GRIN2A: variants seen among roughly 807,000 people sequenced by gnomAD.
GRIN2A encodes the protein glutamate ionotropic receptor NMDA type subunit 2A.
Under a neutral mutation model 113.4 loss-of-function variants are expected in GRIN2A, and 22 were observed. That is an observed-to-expected ratio of 0.19 (90% CI 0.14 to 0.28). The LOEUF is 0.28. GRIN2A is among the 10% of genes least tolerant of loss of function. The pLI, the probability that GRIN2A is intolerant of heterozygous loss-of-function variation, is 1.00. For synonymous variants in GRIN2A, 827 were observed against 738.4 expected (o/e 1.12, Z -1.94); for missense variants, 1,502 against 1,887.0 (o/e 0.80, Z 3.78).
chr16:10,131,539 C>G (rs894863584), intron 2 of GRIN2A, among the ~76,000 whole-genome samples: 1 of 151,664 alleles, frequency 6.6e-6, no homozygotes, highest in African/African-American at 2.4e-5. Context: ...CCTCTGCTCT[C>G]GGAGTTTCCA....
chr16:10,016,707 A>C (rs2046617402), intron 2 of GRIN2A, among the ~76,000 whole-genome samples: 1 of 152,192 alleles, frequency 6.6e-6, no homozygotes, highest in African/African-American at 2.4e-5. Flanking sequence ...TTATTCATGC[A>C]CTGCTTCTCC....
intron 2 of GRIN2A, among the ~76,000 whole-genome samples, chr16:10,016,176 G>A (rs2046607199): frequency 6.7e-6 from 1 of 150,338 alleles, no homozygotes; most frequent in East Asian, 1.9e-4. Context: ...GAAACCCAGG[G>A]TAATGTAAGA....
At chr16:9,885,274 T>C (rs2043566143) in intron 4 of GRIN2A, among the ~76,000 whole-genome samples, 1 of 152,112 alleles carries the variant, frequency 6.6e-6, no homozygotes, top group African/African-American at 2.4e-5. Context: ...CCCTTACACC[T>C]AGGAATTTGA....
chr16:10,019,355 A>G (rs2046673344), intron 2 of GRIN2A, among the ~76,000 whole-genome samples: 1 of 152,358 alleles, frequency 6.6e-6, no homozygotes, highest in South Asian at 2.1e-4. Context: ...GAATTAGATT[A>G]TGCATGGAAA....
chr16:10,177,275 C>CT (rs1428007177), intron 2 of GRIN2A, among the ~76,000 whole-genome samples: 2 of 152,178 alleles, frequency 1.3e-5, no homozygotes, highest in Non-Finnish European at 2.9e-5. Flanking sequence ...AAAATACGAC[C>CT]TTTTAAACCA....
intron 2 of GRIN2A, among the ~76,000 whole-genome samples, chr16:10,019,490 A>C (rs2046675861): frequency 6.6e-6 from 1 of 152,238 alleles, no homozygotes; most frequent in Admixed American, 6.5e-5. Context: ...TGTATTTCTA[A>C]GCAGAAATTT....
At chr16:10,156,114 A>G (rs1103651) in intron 2 of GRIN2A, among the ~76,000 whole-genome samples, 3 of 151,914 alleles carry the variant, frequency 2.0e-5, no homozygotes, top group Non-Finnish European at 2.9e-5. Flanking sequence ...CCATCTGCCC[A>G]CTCTGCACCT....
At chr16:9,844,147 G>C (rs1351537126) in intron 5 of GRIN2A, among the ~76,000 whole-genome samples, 1 of 152,050 alleles carries the variant, frequency 6.6e-6, no homozygotes, top group Non-Finnish European at 1.5e-5. Flanking sequence ...GAAGTTTTAG[G>C]TGCCCCAGGT....
chr16:9,831,000 A>C (rs1475232186), intron 8 of GRIN2A, among the ~76,000 whole-genome samples: 1 of 152,178 alleles, frequency 6.6e-6, no homozygotes, highest in Non-Finnish European at 1.5e-5. Flanking sequence ...GATCGGTCCA[A>C]GACTTCTAGG....
intron 7 of GRIN2A, among the ~76,000 whole-genome samples, chr16:9,835,902 TA>T (rs1789278261): frequency 6.6e-6 from 1 of 152,200 alleles, no homozygotes; most frequent in African/African-American, 2.4e-5. Flanking sequence ...ATGCATTTGA[TA>T]GTGCAAATAT....
intron 2 of GRIN2A, among the ~76,000 whole-genome samples, chr16:10,052,209 A>G (rs1431919280): frequency 6.6e-6 from 1 of 152,276 alleles, no homozygotes; most frequent in African/African-American, 2.4e-5. Flanking sequence ...TATTCTCATG[A>G]TAATTCAAGC....
chr16:10,174,341 G>C (rs1205330608), intron 2 of GRIN2A, among the ~76,000 whole-genome samples: 1 of 152,186 alleles, frequency 6.6e-6, no homozygotes, highest in Non-Finnish European at 1.5e-5. Context: ...GTACAAACCT[G>C]AGCTGCTGAC....
Position 9,775,406 on chromosome 16 carries a change from T to C in GRIN2A, c.2357-6317A>G, listed in dbSNP as rs116006229. ...TCATTCACTCATTGAAAAGAGAAAA[T>C]TTGTAAAGCACTTAACATGTGGCAA... On this transcript the variant is annotated intron_variant, in intron 11 of 12. Transcript: ENST00000330684. 2.9e-3 allele frequency among the ~76,000 whole-genome samples: 449 copies of C among 152,252 alleles called. 3 individuals are homozygous for C. Among genetic ancestry groups the C allele is most frequent in the African/African-American group, 0.01 (417 of 41,548 alleles).
At chr16:10,124,800 T>C (rs556269400) in intron 2 of GRIN2A, among the ~76,000 whole-genome samples, 7 of 152,270 alleles carry the variant, frequency 4.6e-5, no homozygotes, top group African/African-American at 1.7e-4. Flanking sequence ...AATGAACACA[T>C]ACAAGTTAAA....
chr16:9,996,990 T>G (rs1362163347), intron 2 of GRIN2A, among the ~76,000 whole-genome samples: 1 of 152,192 alleles, frequency 6.6e-6, no homozygotes, highest in East Asian at 1.9e-4. Flanking sequence ...TTACACAACT[T>G]AAGTCATGCT....
rs1034890146 is a variant in GRIN2A, at chr16:9,838,096, G to C, written c.1651+2551C>G. Among the ~76,000 whole-genome samples the C allele has an allele frequency of 3.9e-5, 6 of 152,334 alleles. No homozygotes were observed. In the East Asian group the frequency reaches 1.2e-3, roughly 29 times the overall value. On this transcript the variant is annotated intron_variant, in intron 7 of 12. Coordinates refer to ENST00000330684, the MANE Select transcript of GRIN2A (RefSeq NM_001134407.3). ...ACATTACATATAAATGAAGACAGTGGAAGAATAAGACAATGGGCTTGGAGT... is the reference window on the plus strand; with the variant it reads ...ACATTACATATAAATGAAGACAGTGCAAGAATAAGACAATGGGCTTGGAGT...
intron 2 of GRIN2A, among the ~76,000 whole-genome samples, chr16:10,177,352 C>T (rs887532988): frequency 1.2e-4 from 18 of 152,170 alleles, no homozygotes; most frequent in Non-Finnish European, 5.9e-5. Flanking sequence ...ACATATACCC[C>T]GATGTTACCT....
chr16:10,169,036 G>C (rs2049985461), intron 2 of GRIN2A, among the ~76,000 whole-genome samples: 1 of 150,336 alleles, frequency 6.7e-6, no homozygotes, highest in Admixed American at 6.7e-5. Flanking sequence ...TCTTATGTCT[G>C]TCCCCAGAAC....
At chr16:10,068,258 G>C (rs943195551) in intron 2 of GRIN2A, among the ~76,000 whole-genome samples, 1 of 152,248 alleles carries the variant, frequency 6.6e-6, no homozygotes, top group African/African-American at 2.4e-5. Flanking sequence ...CCCTGTACTA[G>C]TCTGTTCTTG....
Sources: gnomAD v4.1 joint callset for allele counts (sites outside exome capture counted in the v4.1 genomes callset) on GRCh38, gnomAD v4.1.1 for gene constraint, MANE v1.5 for transcripts, NCBI Gene and HGNC (gene_info 2026-07-23, HGNC 2026-07-21) for gene names.